Variants in MSI2 observed in about 807,000 individuals in gnomAD.
MSI2 encodes the protein musashi RNA binding protein 2.
In MSI2, 17 loss-of-function variants were observed where a neutral mutation model predicts 45.6. The observed-to-expected ratio is 0.37, with a 90% CI of 0.26 to 0.56. MSI2 has a LOEUF of 0.56. Ranked by LOEUF, MSI2 falls within the 20% of genes least tolerant of loss-of-function variation. The probability of loss-of-function intolerance (pLI) is 0.77; values close to 1 mark genes in which losing one functional copy is unlikely to be tolerated. For missense variants in MSI2, 293 were observed against 444.2 expected (o/e 0.66, Z 3.06); for synonymous variants, 156 against 158.2 (o/e 0.99, Z 0.11).
At chr17:57,567,231 C>T (rs1169566528) in intron 7 of MSI2, among the ~76,000 whole-genome samples, 3 of 152,126 alleles carry the variant, frequency 2.0e-5, no homozygotes, top group Non-Finnish European at 4.4e-5. Context: ...TCAATTCAGT[C>T]GCTCCTTTTG....
At chr17:57,291,032 A>G (rs569267541) in intron 5 of MSI2, among the ~76,000 whole-genome samples, 2 of 152,310 alleles carry the variant, frequency 1.3e-5, no homozygotes, top group African/African-American at 4.8e-5. Context: ...TGGGGGCAGC[A>G]GCAGATGAGG....
intron 5 of MSI2, among the ~76,000 whole-genome samples, chr17:57,304,366 A>AAAAAAAG (rs1911696509): frequency 6.6e-6 from 1 of 150,956 alleles, no homozygotes; most frequent in Non-Finnish European, 1.5e-5. Flanking sequence ...CCAAAAAAAA[A>AAAAAAAG]AAAAAAGAAA....
intron 6 of MSI2, among the ~76,000 whole-genome samples, chr17:57,445,935 G>A (rs1039717453): frequency 2.6e-5 from 4 of 152,168 alleles, no homozygotes; most frequent in Admixed American, 6.5e-5. Context: ...CGAGACAAAT[G>A]TTTAGGAATG....
intron 6 of MSI2, among the ~76,000 whole-genome samples, chr17:57,504,930 TAA>T (rs113984172): frequency 1.6e-3 from 225 of 136,408 alleles, no homozygotes; most frequent in African/African-American, 4.7e-3. Context: ...AAACTCCATT[TAA>T]AAAAAAAAAA....
chr17:57,393,452 A>T (rs910912399), intron 5 of MSI2, among the ~76,000 whole-genome samples: 9 of 152,194 alleles, frequency 5.9e-5, no homozygotes, highest in African/African-American at 2.2e-4. Context: ...AGCATGTGTC[A>T]GTACCTCGTT....
chr17:57,398,580 C>A (rs773152291), intron 5 of MSI2, among the ~76,000 whole-genome samples: 50 of 151,968 alleles, frequency 3.3e-4, no homozygotes, highest in Admixed American at 3.1e-3. Context: ...CTTTTCGCTG[C>A]GTGTTTGGTT....
chr17:57,307,388 C>G (rs1567748193), intron 5 of MSI2, among the ~76,000 whole-genome samples: 1 of 152,092 alleles, frequency 6.6e-6, no homozygotes, highest in Non-Finnish European at 1.5e-5. Context: ...ACATGGAAAC[C>G]CTCCCTGAAT....
chr17:57,681,594 G>A lies in MSI2; in HGVS notation c.*2077G>A, dbSNP rs563346799. ...TAACTCAGAAAGAAAGAAAAAACCC[G>A]TTTTCAATTCTAATGAAACAGCAAC... On this transcript the variant is annotated 3_prime_UTR_variant, in exon 14 of 14. Transcript: ENST00000284073. The A allele has an allele frequency of 8.7e-5, 16 of 183,542 alleles. No individual in the cohort carries two copies. The highest frequency in any genetic ancestry group is 7.9e-4 in the South Asian group (4 of 5,072). 11.4% of individuals were successfully genotyped at this position (183,542 alleles called of 1,614,324 possible).
chr17:57,553,256 CAAGG>C, intron 7 of MSI2, among the ~76,000 whole-genome samples: 1 of 152,152 alleles, frequency 6.6e-6, no homozygotes, highest in Non-Finnish European at 1.5e-5. Context: ...TAGTGGATGC[CAAGG>C]CTCGACCAGT....
chr17:57,632,980 C>T (rs1909534352), intron 10 of MSI2: 1 of 1,050,484 alleles, frequency 9.5e-7, no homozygotes, highest in Non-Finnish European at 1.1e-6. Context: ...ATCTGTATGG[C>T]TTTTCCCCAT....
At chr17:57,674,408 C>G (rs916059512) in intron 11 of MSI2, among the ~76,000 whole-genome samples, 2 of 151,338 alleles carry the variant, frequency 1.3e-5, no homozygotes, top group African/African-American at 4.9e-5. Context: ...AAAAAAAGAT[C>G]AAAAATCCCC....
intron 6 of MSI2, among the ~76,000 whole-genome samples, chr17:57,455,749 C>G (rs1043794880): frequency 6.6e-6 from 1 of 152,164 alleles, no homozygotes; most frequent in African/African-American, 2.4e-5. Flanking sequence ...TGTCTGCATG[C>G]TCAGAGAAGC....
chr17:57,559,019 AC>A (rs2087509580), intron 7 of MSI2, among the ~76,000 whole-genome samples: 2 of 152,112 alleles, frequency 1.3e-5, no homozygotes, highest in Non-Finnish European at 2.9e-5. Flanking sequence ...CCGAGATGGC[AC>A]CACTGCACTC....
chr17:57,296,146 C>T (rs1195063979), intron 5 of MSI2, among the ~76,000 whole-genome samples: 4 of 151,606 alleles, frequency 2.6e-5, no homozygotes, highest in Non-Finnish European at 5.9e-5. Context: ...AAGATTTCAT[C>T]GTTGCATTAT....
At chr17:57,389,760 G>A (rs2083753751) in intron 5 of MSI2, among the ~76,000 whole-genome samples, 1 of 152,198 alleles carries the variant, frequency 6.6e-6, no homozygotes, top group African/African-American at 2.4e-5. Context: ...CGTGCCAGGT[G>A]CATTAAAATA....
chr17:57,349,118 A>G (rs1452399128), intron 5 of MSI2, among the ~76,000 whole-genome samples: 1 of 152,170 alleles, frequency 6.6e-6, no homozygotes, highest in Non-Finnish European at 1.5e-5. Flanking sequence ...TTCCTGGCTG[A>G]CCACTTGTCT....
chr17:57,525,520 T>C (rs2086678804), intron 6 of MSI2, among the ~76,000 whole-genome samples: 2 of 152,192 alleles, frequency 1.3e-5, no homozygotes, highest in Non-Finnish European at 2.9e-5. Context: ...ACTCCTGGCC[T>C]CAAGCGATTT....
intron 6 of MSI2, among the ~76,000 whole-genome samples, chr17:57,463,990 C>CGTGTGTGT (rs58522672): frequency 8.9e-5 from 13 of 146,294 alleles, no homozygotes; most frequent in African/African-American, 3.3e-4. Context: ...GTTTAATGAA[C>CGTGTGTGT]GTGTGTGTGT....
intron 6 of MSI2, among the ~76,000 whole-genome samples, chr17:57,428,862 T>C (rs1442460314): frequency 1.3e-5 from 2 of 152,206 alleles, no homozygotes; most frequent in African/African-American, 4.8e-5. Flanking sequence ...TTTTACTCTG[T>C]GATTTCAGTG....
Sources: gnomAD v4.1 joint callset for allele counts (sites outside exome capture counted in the v4.1 genomes callset) on GRCh38, gnomAD v4.1.1 for gene constraint, MANE v1.5 for transcripts, NCBI Gene and HGNC (gene_info 2026-07-23, HGNC 2026-07-21) for gene names.